The following SHROOM2 variants were observed in gnomAD, a reference collection of about 807,000 sequenced individuals.
SHROOM2 encodes the protein protein Shroom2.
Under a neutral mutation model 75.9 loss-of-function variants are expected in SHROOM2, and 33 were observed. That is an observed-to-expected ratio of 0.43 (90% CI 0.33 to 0.58). SHROOM2 has a LOEUF of 0.58. Ranked by LOEUF, SHROOM2 falls within the 20% of genes least tolerant of loss-of-function variation. The pLI is 0.04. For missense variants in SHROOM2, 1,434 were observed against 1,461.2 expected, an observed-to-expected ratio of 0.98 and a Z score of 0.30; for synonymous variants, 655 against 663.6, an observed-to-expected ratio of 0.99 and a Z score of 0.20.
At chrX:9,933,072 G>A (rs1413342593) in intron 6 of SHROOM2, among the ~76,000 whole-genome samples, 3 of 111,331 alleles carry the variant, frequency 2.7e-5, no homozygotes, top group Non-Finnish European at 5.7e-5. Context: ...GGGGGCTGCT[G>A]TTTCCTGCAG....
Position 9,894,930 on chromosome X carries a change from C to A in SHROOM2, c.1022C>A (p.Ser341Ter), listed in dbSNP as rs779879062. Residue 341 changes from serine to a stop codon, truncating the protein, a stop_gained, in exon 4 of 10, where the codon TCA becomes TAA. Coordinates refer to ENST00000380913, the MANE Select transcript of SHROOM2 (RefSeq NM_001649.4). LOFTEE classifies it high-confidence loss of function. The part of the protein sequence containing the change: ...SHEKAQGPVF[S>*]EAAAAQHFTA... ...GAGAAGGCCCAGGGCCCTGTGTTCT[C>A]AGAGGCGGCTGCGGCACAGCACTTT... The A allele has an allele frequency of 1.6e-5, 19 of 1,209,513 alleles. No individual in the cohort carries two copies. In the Admixed American group the frequency reaches 3.9e-4, roughly 25 times the overall value.
At chrX:9,911,263 G>A (rs982459268) in intron 5 of SHROOM2, among the ~76,000 whole-genome samples, 3 of 111,694 alleles carry the variant, frequency 2.7e-5, no homozygotes, top group African/African-American at 9.8e-5. Context: ...TGGATCATGG[G>A]GATATGCAGA....
chrX:9,815,442 G>A lies in SHROOM2; in HGVS notation c.165+28732G>A, dbSNP rs1386002089. On this transcript the variant is annotated intron_variant, in intron 1 of 9. Transcript: ENST00000380913. Reference sequence around the variant, plus strand: ...GGATAGATATACATATTATGTGTGTGTGTGTGTGTGTGTGTGTGTGTGTGT... The same window carrying A: ...GGATAGATATACATATTATGTGTGTATGTGTGTGTGTGTGTGTGTGTGTGT... Among the ~76,000 whole-genome samples, 12 of 17,967 alleles carry A rather than the reference G, an allele frequency of 6.7e-4. No individual in the cohort carries two copies. The South Asian group carries it at 8.4e-3, about 13-fold the overall frequency. 15.6% of individuals were successfully genotyped at this position (17,967 alleles called of 115,157 possible). A position where few individuals can be genotyped will look rare whatever the true frequency, so the allele number is the denominator to read the frequency against.
intron 5 of SHROOM2, among the ~76,000 whole-genome samples, chrX:9,918,611 T>TCCTG (rs2084512388): frequency 8.9e-6 from 1 of 112,012 alleles, no homozygotes. Context: ...CACCTCAGCC[T>TCCTG]CCTGAGTAAC....
intron 1 of SHROOM2, among the ~76,000 whole-genome samples, chrX:9,824,718 C>T (rs936685961): frequency 6.3e-5 from 7 of 111,813 alleles, no homozygotes; most frequent in Admixed American, 2.8e-4. Context: ...ATCTGTAGCC[C>T]GCTGTGCTTC....
At chrX:9,927,068 G>A (rs2084601291) in intron 5 of SHROOM2, among the ~76,000 whole-genome samples, 1 of 111,116 alleles carries the variant, frequency 9.0e-6, no homozygotes, top group African/African-American at 3.3e-5. Context: ...TAGTTATGAT[G>A]CCTGTGGCAG....
intron 2 of SHROOM2, 150 bp downstream of exon 2, chrX:9,873,953 C>T (rs918310510): frequency 1.5e-5 from 8 of 520,017 alleles, no homozygotes; most frequent in African/African-American, 4.8e-5. Flanking sequence ...AGCATGGGCC[C>T]GGCATCAAGA....
intron 2 of SHROOM2, among the ~76,000 whole-genome samples, chrX:9,881,674 G>T (rs911945051): frequency 8.9e-6 from 1 of 112,371 alleles, no homozygotes; most frequent in Non-Finnish European, 1.9e-5. Flanking sequence ...GTTCACCTGT[G>T]GTGGTAGTGC....
At chrX:9,890,738 G>C (rs2084286032) in intron 2 of SHROOM2, among the ~76,000 whole-genome samples, 1 of 107,995 alleles carries the variant, frequency 9.3e-6, no homozygotes, top group Non-Finnish European at 1.9e-5. Flanking sequence ...TGCTGTGTGT[G>C]GTCTCCAAGT....
rs2084838945 is a variant in SHROOM2, at chrX:9,948,157, C to T, written c.*1220C>T. ...ACTCTCAAACCGGATAGTAAGAAAA[C>T]AAACAGCCCAAGTGAAAAGCAGGCA... is the stretch of plus-strand genomic sequence containing the variant. On this transcript the variant is annotated 3_prime_UTR_variant, in exon 10 of 10. Coordinates refer to ENST00000380913, the MANE Select transcript of SHROOM2 (RefSeq NM_001649.4). 8.9e-6 allele frequency: 1 copy of T among 112,247 alleles called. No homozygotes were observed. The highest frequency in any genetic ancestry group is 3.7e-4 in the South Asian group (1 of 2,732). The allele number at this position is 112,247 out of a possible 1,213,427, so 9.3% of individuals were successfully genotyped here.
At chrX:9,918,127 A>C (rs1246730872) in intron 5 of SHROOM2, among the ~76,000 whole-genome samples, 1 of 112,342 alleles carries the variant, frequency 8.9e-6, no homozygotes, top group African/African-American at 3.2e-5. Context: ...CTCTGTGAAC[A>C]GGTCTTCAGG....
At chrX:9,945,264 A>G (rs1173186235) in intron 9 of SHROOM2, among the ~76,000 whole-genome samples, 1 of 110,061 alleles carries the variant, frequency 9.1e-6, no homozygotes, top group Non-Finnish European at 1.9e-5. Flanking sequence ...GCATGCCACC[A>G]TGCCTGGCTA....
At chrX:9,940,515 C>A (rs1435004044) in intron 8 of SHROOM2, among the ~76,000 whole-genome samples, 1 of 111,762 alleles carries the variant, frequency 8.9e-6, no homozygotes, top group Admixed American at 9.5e-5. Context: ...AAGTTGGCCT[C>A]ACTTTAGTTC....
chrX:9,838,369 G>A (rs1369736295), intron 1 of SHROOM2, among the ~76,000 whole-genome samples: 1 of 110,705 alleles, frequency 9.0e-6, no homozygotes, highest in Admixed American at 9.7e-5. Flanking sequence ...CTTAAATCAG[G>A]AGTTTTAAGG....
rs760237864 is a variant in SHROOM2 at position 9,868,189 on chromosome X, GAGA to G, written c.166-5460_166-5458del. 3.9e-3 allele frequency among the ~76,000 whole-genome samples: 424 copies of G among 109,698 alleles called. 4 individuals are homozygous for G. The highest frequency in any genetic ancestry group is 0.013 in the African/African-American group (397 of 29,911). On this transcript the variant is annotated intron_variant, in intron 1 of 9. Transcript: ENST00000380913. The stretch of plus-strand genomic sequence containing the variant: ...TTAAATTCAAACATGTCATTGTGGA[GAGA>G]AGGACACAACTTCATTTATTTTTAT...
At chrX:9,812,384 G>C (rs1183238547) in intron 1 of SHROOM2, among the ~76,000 whole-genome samples, 1 of 111,836 alleles carries the variant, frequency 8.9e-6, no homozygotes, top group Non-Finnish European at 1.9e-5. Context: ...TCGATAAATG[G>C]GTTGGAGTAA....
At chrX:9,804,138 C>T (rs1157949533) in intron 1 of SHROOM2, among the ~76,000 whole-genome samples, 1 of 111,508 alleles carries the variant, frequency 9.0e-6, no homozygotes, top group Admixed American at 9.6e-5. Context: ...TCCCCGTCTT[C>T]CTTTGACAAC....
intron 1 of SHROOM2, among the ~76,000 whole-genome samples, chrX:9,830,962 C>T (rs1276740254): frequency 1.8e-5 from 2 of 111,760 alleles, no homozygotes. Flanking sequence ...ATGGGTCTCA[C>T]GAGAGGCATC....
At chrX:9,823,088 C>T (rs1420723594) in intron 1 of SHROOM2, among the ~76,000 whole-genome samples, 2 of 81,784 alleles carry the variant, frequency 2.4e-5, no homozygotes, top group Admixed American at 1.4e-4. Flanking sequence ...TCTCCCTTCT[C>T]CTCCTCCTTC....
Sources: gnomAD v4.1 joint callset for allele counts (sites outside exome capture counted in the v4.1 genomes callset) on GRCh38, gnomAD v4.1.1 for gene constraint, MANE v1.5 for transcripts, NCBI Gene and HGNC (gene_info 2026-07-23, HGNC 2026-07-21) for gene names.